WAPL: variants seen among roughly 807,000 people sequenced by gnomAD.
WAPL encodes the protein WAPL cohesin release factor.
In WAPL, 5 loss-of-function variants were observed where a neutral mutation model predicts 121.0. That is an observed-to-expected ratio of 0.04 (90% CI 0.02 to 0.09). The LOEUF (loss-of-function observed/expected upper bound fraction) is 0.09, where lower values mean the gene tolerates loss of function less well. Among genes scored for constraint, WAPL ranks in the 10% least tolerant of loss-of-function variants. The pLI is 1.00. For synonymous variants in WAPL, 480 were observed against 481.5 expected (o/e 1.00, Z 0.04); for missense variants, 999 against 1,410.8 (o/e 0.71, Z 4.68).
intron 7 of WAPL, 33 bp from the exon 8 acceptor site, chr10:86,471,136 G>C: frequency 1.3e-6 from 2 of 1,567,758 alleles, no homozygotes; most frequent in Non-Finnish European, 8.8e-7. Context: ...AGGGGGGCTG[G>C]AAACAGCTAG....
chr10:86,454,841 G>A (rs1006308576), intron 12 of WAPL, among the ~76,000 whole-genome samples: 1 of 150,174 alleles, frequency 6.7e-6, no homozygotes, highest in Non-Finnish European at 1.5e-5. Context: ...ACCTCTGCCC[G>A]GCCGCGACCC....
At position 86,499,782 on chromosome 10, in the gene WAPL, G is replaced by A. The variant is rs759355779; in HGVS notation, c.1461C>T (p.Ser487=). The A allele has an allele frequency of 1.9e-6, 3 of 1,609,022 alleles. No individual in the cohort carries two copies. Among genetic ancestry groups the A allele is most frequent in the Middle Eastern group, 1.7e-4 (1 of 6,038 alleles). The change falls in exon 3 of 19, where the codon TCC becomes TCT. Residue 487 remains serine, a synonymous_variant. Transcript: ENST00000298767. The part of the protein sequence containing the change: ...KKRTKTAPSP[S]LQPPPESNDN... ...CATTGCTTTCTGGGGGAGGCTGCAA[G>A]GAGGGTGATGGAGCTGTTTTAGTTC...
chr10:86,483,181 G>A (rs1223920517), intron 4 of WAPL, among the ~76,000 whole-genome samples: 3 of 152,276 alleles, frequency 2.0e-5, no homozygotes, highest in East Asian at 3.9e-4. Context: ...AGCATTTTGG[G>A]AGGCCGAGGT....
At chr10:86,491,549 G>C (rs895565892) in intron 4 of WAPL, among the ~76,000 whole-genome samples, 6 of 151,960 alleles carry the variant, frequency 3.9e-5, no homozygotes, top group Admixed American at 1.3e-4. Context: ...TCCACAAAAA[G>C]AACCAAGGTT....
chr10:86,459,218 G>C (rs951572835), intron 11 of WAPL, among the ~76,000 whole-genome samples, 153 bp from the exon 12 acceptor site: 1 of 152,100 alleles, frequency 6.6e-6, no homozygotes, highest in Non-Finnish European at 1.5e-5. Flanking sequence ...ACAGGTTCCA[G>C]GTGTAAAATA....
intron 16 of WAPL, among the ~76,000 whole-genome samples, chr10:86,445,164 G>T (rs79434215): frequency 1.3e-5 from 2 of 152,280 alleles, no homozygotes; most frequent in East Asian, 3.9e-4. Flanking sequence ...TCTCTGACAG[G>T]AAAGGGTGCA....
chr10:86,478,322 G>C (rs1172660648), intron 4 of WAPL, among the ~76,000 whole-genome samples: 2 of 151,794 alleles, frequency 1.3e-5, no homozygotes, highest in African/African-American at 4.8e-5. Flanking sequence ...CCAGCTACTC[G>C]AGACGCTGAG....
intron 17 of WAPL, among the ~76,000 whole-genome samples, chr10:86,441,588 A>C (rs1379978473): frequency 6.6e-6 from 1 of 151,606 alleles, no homozygotes; most frequent in Non-Finnish European, 1.5e-5. Flanking sequence ...AAAAAAAAAA[A>C]CTATAGAGGA....
intron 9 of WAPL, among the ~76,000 whole-genome samples, chr10:86,465,476 G>A (rs1030675316): frequency 6.6e-6 from 1 of 152,198 alleles, no homozygotes; most frequent in African/African-American, 2.4e-5. Flanking sequence ...AAAGTGCTGG[G>A]ATTATGGGCG....
Position 86,460,467 on chromosome 10 carries a change from C to T in WAPL, c.2512G>A (p.Asp838Asn). Residue 838 changes from aspartate to asparagine, a missense_variant, in exon 11 of 19, where the codon GAT (aspartate) becomes AAT (asparagine). Physicochemically the swap from Asp to Asn is conservative, Grantham distance 23 (BLOSUM62 1). Transcript: ENST00000298767. ...GCTACCAGTTTCTCTTCATCCTCAT[C>T]TCTACTTAAATGATCCACACATTCT... ...VKECVDHLSR[D>N]EDEEKLVASL... The T allele has an allele frequency of 1.2e-6, 2 of 1,613,662 alleles. No homozygotes were observed. The highest frequency in any genetic ancestry group is 1.7e-6 in the Non-Finnish European group (2 of 1,179,948).
At position 86,436,604 on chromosome 10, in the gene WAPL, T is replaced by C. The variant is rs1455593065; in HGVS notation, c.*939A>G. ...CTGTCACTCTATAGAAGAATATACA[T>C]GTTATCTGGAAACAGGAATTCCACA... is the stretch of plus-strand genomic sequence containing the variant. On this transcript the variant is annotated 3_prime_UTR_variant, in exon 19 of 19. Coordinates refer to ENST00000298767, the MANE Select transcript of WAPL (RefSeq NM_015045.5). 1.3e-5 allele frequency: 2 copies of C among 152,690 alleles called. No homozygotes were observed. Among genetic ancestry groups the C allele is most frequent in the Non-Finnish European group, 2.9e-5 (2 of 68,042 alleles). The allele number at this position is 152,690 out of a possible 1,614,324, so 9.5% of individuals were successfully genotyped here.
chr10:86,490,908 C>T (rs1414573061), intron 4 of WAPL, among the ~76,000 whole-genome samples: 1 of 151,274 alleles, frequency 6.6e-6, no homozygotes, highest in Non-Finnish European at 1.5e-5. Flanking sequence ...ACTAAAAATA[C>T]AAAAATTAGC....
At chr10:86,483,159 G>A (rs530431055) in intron 4 of WAPL, among the ~76,000 whole-genome samples, 11 of 152,252 alleles carry the variant, frequency 7.2e-5, no homozygotes, top group African/African-American at 2.2e-4. Flanking sequence ...GGTGGCTCAC[G>A]CCTGTAATCC....
intron 16 of WAPL, 59 bp from the exon 17 acceptor site, chr10:86,443,422 AC>A: frequency 6.8e-7 from 1 of 1,462,112 alleles, no homozygotes; most frequent in Non-Finnish European, 9.5e-7. Flanking sequence ...ACCTCACAAA[AC>A]CAACCATTCT....
At chr10:86,456,060 A>T (rs913160085) in intron 12 of WAPL, among the ~76,000 whole-genome samples, 3 of 152,206 alleles carry the variant, frequency 2.0e-5, no homozygotes, top group Admixed American at 2.0e-4. Context: ...AGGAATCAAT[A>T]ATGTAGAGTC....
intron 12 of WAPL, among the ~76,000 whole-genome samples, chr10:86,455,719 AAAAG>A (rs1748054833): frequency 6.6e-6 from 1 of 151,590 alleles, no homozygotes; most frequent in African/African-American, 2.4e-5. Context: ...AAAAAAGAAA[AAAAG>A]AAAACAAATA....
In WAPL at chr10:86,500,037, T is replaced by C; in HGVS notation, c.1206A>G (p.Ala402=). 2 of 1,614,154 alleles carry C rather than the reference T, an allele frequency of 1.2e-6. No individual in the cohort carries two copies. Among genetic ancestry groups the C allele is most frequent in the Non-Finnish European group, 1.7e-6 (2 of 1,180,024 alleles). The stretch of plus-strand genomic sequence containing the variant: ...TAGTAGTCTTAGAAGTTGCAATATC[T>C]GCCTTTTTTCTGAGACGACCAGCTT... ...LGEAGRLRKK[A]DIATSKTTTR... Residue 402 remains alanine (A), a synonymous_variant, in exon 3 of 19, where the codon GCA becomes GCG. Coordinates refer to ENST00000298767, the MANE Select transcript of WAPL (RefSeq NM_015045.5).
intron 8 of WAPL, among the ~76,000 whole-genome samples, 176 bp from the exon 9 acceptor site, chr10:86,467,682 T>C (rs1435660449): frequency 1.3e-5 from 2 of 151,556 alleles, no homozygotes; most frequent in Non-Finnish European, 1.5e-5. Flanking sequence ...AAAAATTTTT[T>C]TTTTTTTTTT....
intron 8 of WAPL, among the ~76,000 whole-genome samples, chr10:86,468,078 C>A (rs1841442689): frequency 6.6e-6 from 1 of 152,134 alleles, no homozygotes; most frequent in African/African-American, 2.4e-5. Flanking sequence ...TGCCTGATAG[C>A]TCTAAGAATA....
Sources: allele counts gnomAD v4.1 joint callset (sites outside exome capture counted in the v4.1 genomes callset), GRCh38; gene constraint gnomAD v4.1.1; transcripts MANE v1.5; gene names NCBI Gene and HGNC (gene_info 2026-07-23, HGNC 2026-07-21).